The following EXT1 variants were observed in gnomAD, a reference collection of about 807,000 sequenced individuals.
EXT1 encodes exostosin-1.
EXT1 carries 20 observed loss-of-function variants against 82.5 expected under a neutral mutation model. The observed-to-expected ratio is 0.24, with a 90% CI of 0.17 to 0.35. The LOEUF (loss-of-function observed/expected upper bound fraction) is 0.35, where lower values mean the gene tolerates loss of function less well. Among genes scored for constraint, EXT1 ranks in the 10% least tolerant of loss-of-function variants. The pLI is 1.00. For missense variants in EXT1, 757 were observed against 936.5 expected (o/e 0.81, Z 2.50); for synonymous variants, 348 against 350.8 (o/e 0.99, Z 0.09).
intron 1 of EXT1, among the ~76,000 whole-genome samples, chr8:117,993,149 T>G (rs1815469799): frequency 6.6e-6 from 1 of 152,226 alleles, no homozygotes; most frequent in Admixed American, 6.5e-5. Flanking sequence ...CATTTCTTTC[T>G]TTTTCCTTCC....
At chr8:117,826,053 T>G (rs1812002896) in intron 4 of EXT1, among the ~76,000 whole-genome samples, 2 of 152,244 alleles carry the variant, frequency 1.3e-5, no homozygotes, top group Admixed American at 6.5e-5. Flanking sequence ...CAGTGTTTTT[T>G]CATTGTCCTC....
At chr8:118,091,813 C>T (rs1817531388) in intron 1 of EXT1, among the ~76,000 whole-genome samples, 1 of 152,064 alleles carries the variant, frequency 6.6e-6, no homozygotes, top group Admixed American at 6.6e-5. Context: ...ATCTTCTAAA[C>T]TTACTTTTTC....
chr8:117,892,421 T>G (rs1813260160), intron 1 of EXT1, among the ~76,000 whole-genome samples: 1 of 151,974 alleles, frequency 6.6e-6, no homozygotes, highest in Non-Finnish European at 1.5e-5. Context: ...CTACTATTGC[T>G]GCTGCTGCTG....
chr8:118,006,326 C>T (rs1815773955), intron 1 of EXT1, among the ~76,000 whole-genome samples: 1 of 152,176 alleles, frequency 6.6e-6, no homozygotes, highest in Non-Finnish European at 1.5e-5. Flanking sequence ...TCATTAATAT[C>T]ACTGCTGTAA....
At chr8:117,921,215 A>G (rs1215307924) in intron 1 of EXT1, among the ~76,000 whole-genome samples, 1 of 152,190 alleles carries the variant, frequency 6.6e-6, no homozygotes, top group Admixed American at 6.5e-5. Flanking sequence ...ACAAGGGCAC[A>G]GCTTTTCAAG....
chr8:117,864,019 GGC>G, intron 1 of EXT1, among the ~76,000 whole-genome samples: 1 of 152,198 alleles, frequency 6.6e-6, no homozygotes, highest in East Asian at 1.9e-4. Flanking sequence ...CTCTTCCATA[GGC>G]AACAGGTTGT....
intron 1 of EXT1, among the ~76,000 whole-genome samples, chr8:117,874,237 T>C (rs950757546): frequency 1.3e-5 from 2 of 152,188 alleles, no homozygotes; most frequent in Admixed American, 1.3e-4. Context: ...TATTGTCAAG[T>C]TTGTATGACA....
intron 1 of EXT1, among the ~76,000 whole-genome samples, chr8:117,883,665 TGTC>T (rs961168708): frequency 4.6e-5 from 7 of 152,182 alleles, no homozygotes; most frequent in African/African-American, 1.7e-4. Context: ...CTAGAGCTAA[TGTC>T]AGCAAAGTCC....
intron 1 of EXT1, among the ~76,000 whole-genome samples, chr8:117,910,197 G>A (rs970495090): frequency 6.6e-6 from 1 of 152,152 alleles, no homozygotes; most frequent in Non-Finnish European, 1.5e-5. Flanking sequence ...ATGCACAATA[G>A]ACTAGTCATC....
intron 1 of EXT1, among the ~76,000 whole-genome samples, chr8:118,109,709 G>T (rs1431764230): frequency 6.6e-6 from 1 of 152,120 alleles, no homozygotes; most frequent in Admixed American, 6.5e-5. Context: ...GTAGATCACA[G>T]CCTCTCCGGG....
chr8:118,106,309 GA>G (rs1817802378), intron 1 of EXT1, among the ~76,000 whole-genome samples: 1 of 152,180 alleles, frequency 6.6e-6, no homozygotes, highest in South Asian at 2.1e-4. Context: ...CCTGAGAATA[GA>G]AATGAAAGAC....
rs17430819 is a variant in EXT1, at chr8:117,930,756, G to A, written c.963-93555C>T. On this transcript the variant is annotated intron_variant, in intron 1 of 10. Coordinates refer to ENST00000378204, the MANE Select transcript of EXT1 (RefSeq NM_000127.3). ...AGACCTACTAGGAGGCTGCATTCCC[G>A]GAAGGTTAGTTGTGTTTAGTCATAG... is the stretch of plus-strand genomic sequence containing the variant. Among the ~76,000 whole-genome samples the A allele has an allele frequency of 4.4e-3, 664 of 152,272 alleles. 2 individuals are homozygous for A. Among genetic ancestry groups the A allele is most frequent in the South Asian group, 8.5e-3 (41 of 4,818 alleles).
At chr8:118,097,391 G>C (rs1817640062) in intron 1 of EXT1, among the ~76,000 whole-genome samples, 1 of 152,136 alleles carries the variant, frequency 6.6e-6, no homozygotes, top group African/African-American at 2.4e-5. Flanking sequence ...GGGTTGCAGT[G>C]AGCCCAGATC....
At chr8:118,008,790 T>C (rs184728124) in intron 1 of EXT1, among the ~76,000 whole-genome samples, 1 of 152,278 alleles carries the variant, frequency 6.6e-6, no homozygotes, top group African/African-American at 2.4e-5. Flanking sequence ...TTTACTTTCT[T>C]CCTGCTTAAA....
chr8:117,953,908 TCAA>T (rs1469398278), intron 1 of EXT1, among the ~76,000 whole-genome samples: 2 of 151,836 alleles, frequency 1.3e-5, no homozygotes, highest in Admixed American at 6.6e-5. Context: ...AGACTCCACC[TCAA>T]CAACAACAGA....
At chr8:117,933,990 C>T (rs762953338) in intron 1 of EXT1, among the ~76,000 whole-genome samples, 2 of 152,112 alleles carry the variant, frequency 1.3e-5, no homozygotes, top group African/African-American at 2.4e-5. Context: ...TCACCACAAT[C>T]CCACCAGCAA....
chr8:117,877,959 T>C (rs1043509610), intron 1 of EXT1, among the ~76,000 whole-genome samples: 1 of 152,228 alleles, frequency 6.6e-6, no homozygotes, highest in Admixed American at 6.5e-5. Context: ...ATTTCACTTG[T>C]GGTGTCAATT....
intron 1 of EXT1, among the ~76,000 whole-genome samples, chr8:117,919,055 G>A (rs1405011448): frequency 6.6e-6 from 1 of 151,956 alleles, no homozygotes; most frequent in Non-Finnish European, 1.5e-5. Context: ...TACCTCTCCT[G>A]TGGAGACCTT....
intron 1 of EXT1, among the ~76,000 whole-genome samples, chr8:117,837,416 C>T (rs1158026513): frequency 6.6e-6 from 1 of 152,094 alleles, no homozygotes; most frequent in African/African-American, 2.4e-5. Context: ...ATTAGGATCC[C>T]TTTTGCAAGC....
Sources: allele counts gnomAD v4.1 joint callset (sites outside exome capture counted in the v4.1 genomes callset), GRCh38; gene constraint gnomAD v4.1.1; transcripts MANE v1.5; gene names NCBI Gene and HGNC (gene_info 2026-07-23, HGNC 2026-07-21).